The following IL16 variants were observed in gnomAD, a reference collection of about 807,000 sequenced individuals.
The protein encoded by IL16 is pro-interleukin-16.
A neutral mutation model predicts 110.1 loss-of-function variants in IL16; 67 were observed. The observed-to-expected ratio is 0.61, with a 90% CI of 0.50 to 0.75. IL16 has a LOEUF of 0.75. Among genes scored for constraint, IL16 ranks in the 30% least tolerant of loss-of-function variants. The probability of loss-of-function intolerance (pLI) is 0.00; values close to 1 mark genes in which losing one functional copy is unlikely to be tolerated. For missense variants in IL16, 1,545 were observed against 1,655.0 expected, an observed-to-expected ratio of 0.93 and a Z score of 1.15; for synonymous variants, 689 against 662.9, an observed-to-expected ratio of 1.04 and a Z score of -0.61.
chr15:81,206,316 A>G (rs1175776230), intron 1 of IL16, among the ~76,000 whole-genome samples: 4 of 152,316 alleles, frequency 2.6e-5, no homozygotes, highest in Middle Eastern at 3.4e-3. Flanking sequence ...CCTGTACAGC[A>G]TGTTATTGTA....
Position 81,292,811 on chromosome 15 carries a change from C to A in IL16, c.1676C>A (p.Ser559Tyr), listed in dbSNP as rs771343684. ...AREPVVLSIA[S>Y]SRLPQESPPL... ...GAGCCAGTGGTGCTTTCTATAGCAT[C>A]CTCCAGGCTGCCCCAGGAGAGCCCA... The change falls in exon 12 of 19, where the codon TCC (serine) becomes TAC (tyrosine). Residue 559 changes from serine (S) to tyrosine (Y), a missense_variant. Transcript: ENST00000683961. 6.2e-7 allele frequency: 1 copy of A among 1,614,136 alleles called. No homozygotes were observed. Among genetic ancestry groups the A allele is most frequent in the Non-Finnish European group, 8.5e-7 (1 of 1,180,018 alleles).
At chr15:81,243,583 A>T (rs1897427860) in intron 2 of IL16, among the ~76,000 whole-genome samples, 1 of 152,060 alleles carries the variant, frequency 6.6e-6, no homozygotes. Flanking sequence ...TAATAAGATG[A>T]ATTGGGATGT....
intron 1 of IL16, among the ~76,000 whole-genome samples, chr15:81,201,293 C>A (rs1895805301): frequency 6.6e-6 from 1 of 151,824 alleles, no homozygotes; most frequent in South Asian, 2.1e-4. Flanking sequence ...ACGCACACAC[C>A]CCCATCCACA....
chr15:81,265,402 T>C (rs1163098006), intron 3 of IL16, among the ~76,000 whole-genome samples: 1 of 152,186 alleles, frequency 6.6e-6, no homozygotes, highest in Non-Finnish European at 1.5e-5. Flanking sequence ...TGTCAACTCT[T>C]GTTGCATTGA....
intron 9 of IL16, among the ~76,000 whole-genome samples, chr15:81,283,003 G>A (rs1353345435): frequency 6.6e-6 from 1 of 152,180 alleles, no homozygotes; most frequent in African/African-American, 2.4e-5. Flanking sequence ...AGGGAGTGAG[G>A]CTTTGCACCC....
chr15:81,313,592 T>C lies in IL16; in HGVS notation c.*4794T>C, dbSNP rs1302408550. 3 of 431,458 alleles carry C rather than the reference T, an allele frequency of 7.0e-6. No homozygotes were observed. The highest frequency in any genetic ancestry group is 1.2e-5 in the Non-Finnish European group (3 of 256,428). 26.7% of individuals were successfully genotyped at this position (431,458 alleles called of 1,614,324 possible). On this transcript the variant is annotated 3_prime_UTR_variant, in exon 19 of 19. Transcript: ENST00000683961. ...TGATTTTCAGGATGGAAACCCATCC[T>C]GTCGGGGATGCATTCCACAGCCTCT...
intron 15 of IL16, among the ~76,000 whole-genome samples, chr15:81,302,671 C>T (rs899148042): frequency 2.6e-5 from 4 of 152,170 alleles, no homozygotes; most frequent in Admixed American, 1.3e-4. Flanking sequence ...AAGGTACAAA[C>T]AGGTGCCCCA....
At chr15:81,256,918 G>A (rs1033249280) in intron 2 of IL16, among the ~76,000 whole-genome samples, 2 of 152,116 alleles carry the variant, frequency 1.3e-5, no homozygotes, top group African/African-American at 4.8e-5. Flanking sequence ...AGTGCCAGAG[G>A]GAGGTCTTGA....
At chr15:81,292,449 G>T (rs374414371) in intron 11 of IL16, 107 bp from the exon 12 acceptor site, 2 of 1,506,694 alleles carry the variant, frequency 1.3e-6, no homozygotes, top group South Asian at 1.1e-5. Context: ...ATAAGAAGCA[G>T]ATGGCCGATG....
At chr15:81,186,286 T>A (rs1266654135) in intron 1 of IL16, among the ~76,000 whole-genome samples, 2 of 152,236 alleles carry the variant, frequency 1.3e-5, no homozygotes, top group Admixed American at 1.3e-4. Context: ...CCTACAGCAC[T>A]GTGGGGTACA....
chr15:81,245,613 A>G (rs1374040480), intron 2 of IL16, among the ~76,000 whole-genome samples: 1 of 143,482 alleles, frequency 7.0e-6, no homozygotes, highest in African/African-American at 2.6e-5. Context: ...TGGGTGGGAC[A>G]GGGCCCCATT....
intron 15 of IL16, among the ~76,000 whole-genome samples, chr15:81,302,889 T>C (rs2141623639): frequency 6.6e-6 from 1 of 152,230 alleles, no homozygotes; most frequent in East Asian, 1.9e-4. Context: ...TTTGGCTCAT[T>C]TTAGGGACCT....
At chr15:81,269,403 G>A (rs1898532284) in intron 4 of IL16, 135 bp from the exon 5 acceptor site, 1 of 678,670 alleles carries the variant, frequency 1.5e-6, no homozygotes, top group African/African-American at 1.8e-5. Context: ...ACCACATTCT[G>A]GTTGTTACGC....
intron 2 of IL16, among the ~76,000 whole-genome samples, chr15:81,232,571 G>T (rs898686979): frequency 2.0e-5 from 3 of 152,114 alleles, no homozygotes; most frequent in African/African-American, 7.2e-5. Context: ...AACATAAATT[G>T]TTGAATTTTG....
rs570093758 is a variant in IL16 at position 81,293,080 on chromosome 15, C to T, written c.1902+43C>T. The T allele has an allele frequency of 2.1e-5, 33 of 1,547,322 alleles. No individual in the cohort carries two copies. The African/African-American group carries it at 4.0e-4, about 19-fold the overall frequency. ...CAGGTTGAGTGTTTCCAGGACCAGA[C>T]TCAAATCTTGAGCATGGGCAAATTA... On this transcript the variant is annotated intron_variant, in intron 12 of 18. Coordinates refer to ENST00000683961, the MANE Select transcript of IL16 (RefSeq NM_172217.5).
chr15:81,195,647 C>G (rs1895578500), upstream of IL16, among the ~76,000 whole-genome samples: 1 of 152,154 alleles, frequency 6.6e-6, no homozygotes, highest in Non-Finnish European at 1.5e-5. Context: ...ATTTCAAGGG[C>G]TTCCTACAGG....
intron 1 of IL16, among the ~76,000 whole-genome samples, chr15:81,199,422 A>G (rs1016500877): frequency 6.6e-6 from 1 of 152,222 alleles, no homozygotes. Flanking sequence ...GGCGGAGCCC[A>G]TCAGGAGGGA....
intron 18 of IL16, 141 bp downstream of exon 18, chr15:81,306,686 G>A (rs547234216): frequency 1.0e-4 from 105 of 1,038,776 alleles, no homozygotes; most frequent in Middle Eastern, 2.0e-4. Flanking sequence ...GTCCTTTTAG[G>A]GCTCAATTCT....
At chr15:81,274,480 A>G (rs1260427064) in intron 6 of IL16, among the ~76,000 whole-genome samples, 1 of 152,192 alleles carries the variant, frequency 6.6e-6, no homozygotes, top group Non-Finnish European at 1.5e-5. Flanking sequence ...TAGAGGTGTG[A>G]GCCACAGTGC....
Sources: allele counts gnomAD v4.1 joint callset (sites outside exome capture counted in the v4.1 genomes callset), GRCh38; gene constraint gnomAD v4.1.1; transcripts MANE v1.5; gene names NCBI Gene and HGNC (gene_info 2026-07-23, HGNC 2026-07-21).